PARP15: variants seen among roughly 807,000 people sequenced by gnomAD.
PARP15 encodes the protein poly(ADP-ribose) polymerase family member 15.
Under a neutral mutation model 62.1 loss-of-function variants are expected in PARP15, and 50 were observed. That is an observed-to-expected ratio of 0.81 (90% CI 0.64 to 1.02). PARP15 has a LOEUF of 1.02. PARP15 is among the 50% of genes least tolerant of loss of function. The pLI is 0.00. For synonymous variants in PARP15, 309 were observed against 293.1 expected (o/e 1.05, Z -0.55); for missense variants, 820 against 826.5 (o/e 0.99, Z 0.10).
chr3:122,581,523 C>G (rs1259070562), intron 1 of PARP15, among the ~76,000 whole-genome samples: 1 of 151,890 alleles, frequency 6.6e-6, no homozygotes, highest in Non-Finnish European at 1.5e-5. Flanking sequence ...TTTTTATATT[C>G]TTGTCATCCA....
At chr3:122,594,718 A>G (rs1013790112) in intron 1 of PARP15, 46 of 955,770 alleles carry the variant, frequency 4.8e-5, no homozygotes, top group Middle Eastern at 5.3e-4. Context: ...ATAAAATTAC[A>G]ATACCAATAA....
rs1263362388 is a variant in PARP15, at chr3:122,635,905, C to T, written c.1842C>T (p.His614=). Residue 614 remains histidine (H), a synonymous_variant, in exon 12 of 12, where the codon CAC becomes CAT. Coordinates refer to ENST00000464300, the MANE Select transcript of PARP15 (RefSeq NM_001113523.3). ...AGCCAGACAGCAATGGGAGAAAGCA[C>T]ATGTACGTTGTGCGAGTACTTACTG... The part of the protein sequence containing the change: ...YSKPDSNGRK[H]MYVVRVLTGV... 7.4e-6 allele frequency: 12 copies of T among 1,614,132 alleles called. No homozygotes were observed. Among genetic ancestry groups the T allele is most frequent in the East Asian group, 4.5e-5 (2 of 44,884 alleles).
At chr3:122,622,975 TAAAA>T (rs386665274) in intron 8 of PARP15, among the ~76,000 whole-genome samples, 4 of 152,286 alleles carry the variant, frequency 2.6e-5, no homozygotes, top group African/African-American at 9.6e-5. Flanking sequence ...CTTCCCAGAT[TAAAA>T]CAGAATGCTC....
chr3:122,603,860 T>C (rs1934982157), intron 1 of PARP15, among the ~76,000 whole-genome samples: 1 of 152,098 alleles, frequency 6.6e-6, no homozygotes, highest in Non-Finnish European at 1.5e-5. Flanking sequence ...AAAGACAATT[T>C]TAAACAGAAA....
rs1387516268 is a variant in PARP15, at chr3:122,636,372, C to A, written c.*272C>A. On this transcript the variant is annotated 3_prime_UTR_variant, in exon 12 of 12. Coordinates refer to ENST00000464300, the MANE Select transcript of PARP15 (RefSeq NM_001113523.3). ...CAAATCTCTAGGAGAATAAAAAGCA[C>A]ATTATTCTTTTTCTATCAGAAAAAA... The A allele has an allele frequency of 9.5e-5, 36 of 378,918 alleles. No individual in the cohort carries two copies. The highest frequency in any genetic ancestry group is 3.4e-5 in the Non-Finnish European group (7 of 208,266). 23.5% of individuals were successfully genotyped at this position (378,918 alleles called of 1,614,324 possible). A position where few individuals can be genotyped will look rare whatever the true frequency, so the allele number is the denominator to read the frequency against.
In PARP15 at chr3:122,627,604, G is replaced by C. The variant is rs571074979; in HGVS notation, c.1438+571G>C. Among the ~76,000 whole-genome samples the C allele has an allele frequency of 5.9e-5, 9 of 152,260 alleles. No homozygotes were observed. In the South Asian group the frequency reaches 1.9e-3, roughly 32 times the overall value. Reference sequence around the variant, plus strand: ...CGTTTTCCCCTATTTTGTGGCATTTGTACTGCTATTAAAATAACTAGGATT... The same window carrying C: ...CGTTTTCCCCTATTTTGTGGCATTTCTACTGCTATTAAAATAACTAGGATT... On this transcript the variant is annotated intron_variant, in intron 9 of 11. Coordinates refer to ENST00000464300, the MANE Select transcript of PARP15 (RefSeq NM_001113523.3).
At chr3:122,590,295 T>C (rs7652279) in intron 1 of PARP15, among the ~76,000 whole-genome samples, 75,502 of 151,664 alleles carry the variant, frequency 0.5, 19,174 homozygotes, top group African/African-American at 0.58. Flanking sequence ...TATTTTGAGA[T>C]GGGGTCTCGC....
intron 9 of PARP15, among the ~76,000 whole-genome samples, chr3:122,628,850 G>A (rs1936895976): frequency 6.6e-6 from 1 of 152,202 alleles, no homozygotes; most frequent in East Asian, 1.9e-4. Flanking sequence ...AAGGAAGTTT[G>A]TTGGCTCAGA....
chr3:122,593,434 G>A (rs1004070933), intron 1 of PARP15, among the ~76,000 whole-genome samples: 5 of 152,032 alleles, frequency 3.3e-5, no homozygotes, highest in South Asian at 2.1e-4. Context: ...GAGCCACTGC[G>A]CCTGGCCAAT....
At chr3:122,600,157 A>G (rs1934678628) in intron 1 of PARP15, among the ~76,000 whole-genome samples, 1 of 152,166 alleles carries the variant, frequency 6.6e-6, no homozygotes, top group Non-Finnish European at 1.5e-5. Context: ...ACTGTCCTTC[A>G]TTGCTATCAC....
chr3:122,608,768 C>CTTTTTTT (rs200651765), intron 2 of PARP15, among the ~76,000 whole-genome samples: 1 of 137,182 alleles, frequency 7.3e-6, no homozygotes, highest in African/African-American at 2.6e-5. Flanking sequence ...AACAAGGTTA[C>CTTTTTTT]TTTTTTTTTT....
chr3:122,630,093 G>C (rs1273863999), intron 9 of PARP15, among the ~76,000 whole-genome samples: 1 of 152,172 alleles, frequency 6.6e-6, no homozygotes, highest in Non-Finnish European at 1.5e-5. Flanking sequence ...TGGGAAGAGG[G>C]CTCAGGAAAA....
chr3:122,582,365 T>TG (rs1933022264), intron 1 of PARP15, among the ~76,000 whole-genome samples: 1 of 152,046 alleles, frequency 6.6e-6, no homozygotes, highest in Admixed American at 6.6e-5. Flanking sequence ...TTTGTAGAAA[T>TG]GGGGTCTCAC....
chr3:122,591,883 G>T (rs1933954488), intron 1 of PARP15, among the ~76,000 whole-genome samples: 1 of 151,254 alleles, frequency 6.6e-6, no homozygotes, highest in Non-Finnish European at 1.5e-5. Context: ...TTCATTAAAA[G>T]AATGAGATAC....
At chr3:122,629,008 A>T (rs1358905482) in intron 9 of PARP15, among the ~76,000 whole-genome samples, 2 of 152,220 alleles carry the variant, frequency 1.3e-5, no homozygotes, top group African/African-American at 4.8e-5. Context: ...GAGATTACTT[A>T]TTGAGCACCA....
chr3:122,630,136 A>G (rs1214647324), intron 9 of PARP15, among the ~76,000 whole-genome samples: 1 of 152,198 alleles, frequency 6.6e-6, no homozygotes, highest in Non-Finnish European at 1.5e-5. Flanking sequence ...TTAAAAGGGT[A>G]GTTATCATGC....
At chr3:122,620,963 C>A (rs1936302380) in intron 7 of PARP15, among the ~76,000 whole-genome samples, 1 of 152,186 alleles carries the variant, frequency 6.6e-6, no homozygotes, top group Non-Finnish European at 1.5e-5. Context: ...TCCTTTCACA[C>A]CTCTGTGCCA....
chr3:122,609,769 A>G (rs1325371241), intron 2 of PARP15, among the ~76,000 whole-genome samples: 1 of 152,008 alleles, frequency 6.6e-6, no homozygotes, highest in African/African-American at 2.4e-5. Flanking sequence ...CCAACTTACC[A>G]GGGAATCAGA....
intron 8 of PARP15, among the ~76,000 whole-genome samples, chr3:122,622,595 T>C (rs1404248876): frequency 1.3e-5 from 2 of 152,242 alleles, no homozygotes; most frequent in Non-Finnish European, 2.9e-5. Flanking sequence ...ATTCATTGAA[T>C]TGAAATGCCG....
Sources: gnomAD v4.1 joint callset for allele counts (sites outside exome capture counted in the v4.1 genomes callset) on GRCh38, gnomAD v4.1.1 for gene constraint, MANE v1.5 for transcripts, NCBI Gene and HGNC (gene_info 2026-07-23, HGNC 2026-07-21) for gene names.